Variants in DLG2 observed in about 807,000 individuals in gnomAD.
The protein encoded by DLG2 is discs large MAGUK scaffold protein 2, also known as disks large homolog 2.
In DLG2, 45 loss-of-function variants were observed where a neutral mutation model predicts 132.5. The ratio of observed to expected loss-of-function variants is 0.34; its 90% CI spans 0.27 to 0.44. The LOEUF (loss-of-function observed/expected upper bound fraction) is 0.44. Among genes scored for constraint, DLG2 ranks in the 20% least tolerant of loss-of-function variants. DLG2 has a pLI of 1.00. For missense variants in DLG2, 1,045 were observed against 1,196.9 expected, an observed-to-expected ratio of 0.87 and a Z score of 1.87; for synonymous variants, 424 against 419.6, an observed-to-expected ratio of 1.01 and a Z score of -0.13.
chr11:84,251,112 C>A, intron 8 of DLG2, 126 bp downstream of exon 8: 1 of 534,406 alleles, frequency 1.9e-6, no homozygotes, highest in Non-Finnish European at 3.2e-6. Context: ...AGAAAATTTA[C>A]AAAACTACAT....
intron 6 of DLG2, among the ~76,000 whole-genome samples, chr11:84,758,989 T>C (rs1342550493): frequency 2.6e-5 from 4 of 152,184 alleles, no homozygotes; most frequent in Non-Finnish European, 5.9e-5. Context: ...GTGATTCTCA[T>C]GCCTCAGCCT....
chr11:85,017,133 A>G (rs979496770), intron 6 of DLG2, among the ~76,000 whole-genome samples: 1 of 152,166 alleles, frequency 6.6e-6, no homozygotes, highest in Non-Finnish European at 1.5e-5. Flanking sequence ...TTTACTGGAA[A>G]AGTGTCCTGA....
chr11:83,582,722 T>C (rs147502758), intron 19 of DLG2, among the ~76,000 whole-genome samples: 112 of 152,324 alleles, frequency 7.4e-4, no homozygotes, highest in Non-Finnish European at 1.5e-3. Flanking sequence ...TGATAGTTCT[T>C]CAAGGGAAGA....
chr11:83,729,182 G>T (rs1433898219), intron 18 of DLG2, among the ~76,000 whole-genome samples: 1 of 152,148 alleles, frequency 6.6e-6, no homozygotes, highest in South Asian at 2.1e-4. Flanking sequence ...TTTAAATTCT[G>T]ATGTTTGGAC....
chr11:84,885,630 T>G (rs901220172), intron 6 of DLG2, among the ~76,000 whole-genome samples: 1 of 152,118 alleles, frequency 6.6e-6, no homozygotes, highest in Non-Finnish European at 1.5e-5. Context: ...AGCTTCAGTT[T>G]TCATACCTGC....
At chr11:83,773,223 G>A (rs929055121) in intron 18 of DLG2, among the ~76,000 whole-genome samples, 3 of 152,160 alleles carry the variant, frequency 2.0e-5, no homozygotes, top group African/African-American at 7.2e-5. Flanking sequence ...GACCTTGAGC[G>A]AGTCACTTAA....
At chr11:84,154,057 G>T (rs557962175) in intron 9 of DLG2, among the ~76,000 whole-genome samples, 1 of 152,302 alleles carries the variant, frequency 6.6e-6, no homozygotes, top group South Asian at 2.1e-4. Context: ...GAGTGCAGTG[G>T]TGTGATGTCA....
chr11:85,003,605 A>G (rs2058392447), intron 6 of DLG2, among the ~76,000 whole-genome samples: 1 of 152,222 alleles, frequency 6.6e-6, no homozygotes, highest in South Asian at 2.1e-4. Context: ...TTTCTTTGTT[A>G]AGGGTATATT....
chr11:85,059,716 T>A (rs2063831742), intron 6 of DLG2, among the ~76,000 whole-genome samples: 1 of 151,634 alleles, frequency 6.6e-6, no homozygotes. Flanking sequence ...GTAACTAATT[T>A]GTCATGATAA....
At chr11:83,558,300 G>T (rs1011402088) in intron 19 of DLG2, among the ~76,000 whole-genome samples, 17 of 151,990 alleles carry the variant, frequency 1.1e-4, no homozygotes, top group African/African-American at 3.1e-4. Flanking sequence ...TGATAAAACT[G>T]TCAGAAATTT....
At chr11:83,528,730 G>A (rs1309010471) in intron 21 of DLG2, among the ~76,000 whole-genome samples, 1 of 152,092 alleles carries the variant, frequency 6.6e-6, no homozygotes, top group African/African-American at 2.4e-5. Context: ...ATCCTCCTGA[G>A]GCTCAGGCTC....
chr11:83,977,126 A>G (rs2092332383), intron 12 of DLG2, among the ~76,000 whole-genome samples: 2 of 151,980 alleles, frequency 1.3e-5, no homozygotes, highest in Non-Finnish European at 2.9e-5. Context: ...TTGAACATCT[A>G]CTGTTACTGG....
At position 84,304,025 on chromosome 11, in the gene DLG2, A is replaced by G. The variant is rs145590615; in HGVS notation, c.520-52734T>C. Among the ~76,000 whole-genome samples, 938 of 152,346 alleles carry G rather than the reference A, an allele frequency of 6.2e-3. 2 individuals carry two copies. Among genetic ancestry groups the G allele is most frequent in the Non-Finnish European group, 9.9e-3 (674 of 68,036 alleles). On this transcript the variant is annotated intron_variant, in intron 7 of 27. Coordinates refer to ENST00000376104, the MANE Select transcript of DLG2 (RefSeq NM_001142699.3). ...GACAGGTCATGCTCTAAGGAAATTC[A>G]GGTTAATGGCGCAGAAACATATTGA...
At chr11:84,070,518 C>T (rs1286972629) in intron 10 of DLG2, among the ~76,000 whole-genome samples, 1 of 152,186 alleles carries the variant, frequency 6.6e-6, no homozygotes, top group Admixed American at 6.5e-5. Context: ...TTTAACAATG[C>T]TGGATTTGAT....
chr11:84,083,204 C>T (rs1448112541), intron 10 of DLG2, among the ~76,000 whole-genome samples: 1 of 152,116 alleles, frequency 6.6e-6, no homozygotes, highest in South Asian at 2.1e-4. Context: ...CGCTTGAACC[C>T]AGGAGGTGGA....
chr11:85,523,892 T>C (rs1310887451), intron 3 of DLG2, among the ~76,000 whole-genome samples: 3 of 152,220 alleles, frequency 2.0e-5, no homozygotes, highest in Non-Finnish European at 4.4e-5. Context: ...TGGAGTACTA[T>C]TCAGCCCTAA....
At chr11:84,161,080 T>G (rs1022018286) in intron 9 of DLG2, among the ~76,000 whole-genome samples, 1 of 152,158 alleles carries the variant, frequency 6.6e-6, no homozygotes, top group Admixed American at 6.5e-5. Flanking sequence ...TAAAGTGAGA[T>G]GAGTGAGTGT....
Position 83,955,303 on chromosome 11 carries a change from T to C in DLG2, c.1340+7582A>G, listed in dbSNP as rs1203896114. On this transcript the variant is annotated intron_variant, in intron 14 of 27. Transcript: ENST00000376104. ...GTGATTCAAACCTAAGCAGGGTAGC[T>C]CCAGGACCCACACACCTAATCACTC... Among the ~76,000 whole-genome samples the C allele has an allele frequency of 2.0e-5, 3 of 152,148 alleles. No homozygotes were observed. In the East Asian group the frequency reaches 5.8e-4, roughly 29 times the overall value.
intron 6 of DLG2, among the ~76,000 whole-genome samples, chr11:85,075,454 A>C (rs1252593196): frequency 6.6e-6 from 1 of 151,946 alleles, no homozygotes; most frequent in Non-Finnish European, 1.5e-5. Flanking sequence ...AAACCACTTA[A>C]TAAGCATGTA....
Sources: allele counts gnomAD v4.1 joint callset (sites outside exome capture counted in the v4.1 genomes callset), GRCh38; gene constraint gnomAD v4.1.1; transcripts MANE v1.5; gene names NCBI Gene and HGNC (gene_info 2026-07-23, HGNC 2026-07-21).